Variants in COLGALT1 observed in about 807,000 individuals in gnomAD.
COLGALT1 encodes the protein procollagen galactosyltransferase 1.
COLGALT1 carries 43 observed loss-of-function variants against 60.8 expected under a neutral mutation model. The observed-to-expected ratio is 0.71, with a 90% CI of 0.55 to 0.91. The LOEUF is 0.91. Among genes scored for constraint, COLGALT1 ranks in the 40% least tolerant of loss-of-function variants. COLGALT1 has a pLI of 0.00. For missense variants in COLGALT1, 845 were observed against 880.0 expected, an observed-to-expected ratio of 0.96 and a Z score of 0.50; for synonymous variants, 369 against 374.2, an observed-to-expected ratio of 0.99 and a Z score of 0.16.
intron 10 of COLGALT1, chr19:17,579,983 C>T (rs2076369326): frequency 9.0e-6 from 2 of 223,222 alleles, no homozygotes; most frequent in African/African-American, 4.4e-5. Context: ...GGAAGGATCA[C>T]CCAGAACTCA....
rs759748599 is a variant in COLGALT1, at chr19:17,580,896, A to G, written c.1592A>G (p.Lys531Arg). Reference sequence around the variant, plus strand: ...GAGTTCCTGCCCGTCATGTTCGACAAACACCCAGTGTGAGAGGGGCAGGCG... The same window carrying G: ...GAGTTCCTGCCCGTCATGTTCGACAGACACCCAGTGTGAGAGGGGCAGGCG... ...VDEFLPVMFD[K>R]HPVSEYKAHF... Residue 531 changes from lysine to arginine, a missense_variant, in exon 11 of 12, where the codon AAA (lysine) becomes AGA (arginine). Transcript: ENST00000252599. 10 of 1,613,356 alleles carry G rather than the reference A, an allele frequency of 6.2e-6. No homozygotes were observed. In the Admixed American group the frequency reaches 1.2e-4, roughly 19 times the overall value.
chr19:17,555,781 T>TGGCGCCACTGCCGCC lies in COLGALT1; in HGVS notation c.71_85dup (p.Ala24_Pro28dup). 1 of 1,241,226 alleles carries TGGCGCCACTGCCGCC rather than the reference T, an allele frequency of 8.1e-7. No individual in the cohort carries two copies. Among genetic ancestry groups the TGGCGCCACTGCCGCC allele is most frequent in the Non-Finnish European group, 1.0e-6 (1 of 992,900 alleles). 76.9% of individuals were successfully genotyped at this position (1,241,226 alleles called of 1,614,324 possible). On this transcript the variant is annotated inframe_insertion, in exon 1 of 12. Coordinates refer to ENST00000252599, the MANE Select transcript of COLGALT1 (RefSeq NM_024656.4). The stretch of plus-strand genomic sequence containing the variant: ...CTCCTGGCGCTGCTGCTTCTGCTGC[T>TGGCGCCACTGCCGCC]GGCGCCACTGCCGCCGGGGGCCCCG...
At chr19:17,565,608 T>C (rs2076275756) in intron 3 of COLGALT1, among the ~76,000 whole-genome samples, 1 of 151,276 alleles carries the variant, frequency 6.6e-6, no homozygotes. Flanking sequence ...AGGTGGAGGT[T>C]GCAGTGAGCC....
In COLGALT1 at chr19:17,579,536, G is replaced by A; in HGVS notation, c.1321G>A (p.Glu441Lys). ...SLVFEDDLRF[E>K]IFFKRRLMNL... ...TGTGTTTGAGGATGACCTGCGTTTT[G>A]AGATCTTCTTCAAGAGACGTCTGAT... The change falls in exon 10 of 12, where the codon GAG becomes AAG. Residue 441 changes from glutamate (E) to lysine (K), a missense_variant. Transcript: ENST00000252599. 1.2e-6 allele frequency: 2 copies of A among 1,614,120 alleles called. No homozygotes were observed. The highest frequency in any genetic ancestry group is 1.1e-5 in the South Asian group (1 of 91,080).
intron 2 of COLGALT1, 98 bp downstream of exon 2, chr19:17,559,519 A>G (rs2076236097): frequency 1.1e-6 from 1 of 917,096 alleles, no homozygotes; most frequent in Non-Finnish European, 1.7e-6. Context: ...ACAGGCCCTC[A>G]GTCCCTGCCT....
chr19:17,578,249 A>G (rs1412504627), intron 9 of COLGALT1, among the ~76,000 whole-genome samples, 160 bp downstream of exon 9: 1 of 152,130 alleles, frequency 6.6e-6, no homozygotes. Context: ...GCGCCACACC[A>G]GCTGTATCAC....
chr19:17,566,637 A>G (rs900595440), intron 3 of COLGALT1, among the ~76,000 whole-genome samples: 1 of 152,072 alleles, frequency 6.6e-6, no homozygotes, highest in Non-Finnish European at 1.5e-5. Flanking sequence ...AAAAATAAAA[A>G]TGAAAACATT....
chr19:17,578,321 G>A (rs2076357706), intron 9 of COLGALT1, among the ~76,000 whole-genome samples: 1 of 152,164 alleles, frequency 6.6e-6, no homozygotes, highest in African/African-American at 2.4e-5. Flanking sequence ...GGGGGTAGGG[G>A]TGAGCCCTTT....
chr19:17,568,781 G>C, intron 5 of COLGALT1, 68 bp downstream of exon 5: 2 of 1,509,944 alleles, frequency 1.3e-6, no homozygotes, highest in South Asian at 2.3e-5. Context: ...CACTAAGCCA[G>C]TTCAGAACAC....
intron 1 of COLGALT1, chr19:17,556,699 T>G (rs1450163231): frequency 2.1e-5 from 4 of 189,604 alleles, no homozygotes; most frequent in Admixed American, 6.5e-5. Flanking sequence ...TCACTTGAGC[T>G]CAGGAGTTCG....
At position 17,555,986 on chromosome 19, in the gene COLGALT1, C is replaced by A; in HGVS notation, c.260+13C>A. ...GCACGGCGCTATGGTGAGTCGAGCCCGCTGTCCCCATCAGGCGGGTCACGC... is the reference window on the plus strand; with the variant it reads ...GCACGGCGCTATGGTGAGTCGAGCCAGCTGTCCCCATCAGGCGGGTCACGC... On this transcript the variant is annotated intron_variant, in intron 1 of 11. Coordinates refer to ENST00000252599, the MANE Select transcript of COLGALT1 (RefSeq NM_024656.4). 7.6e-7 allele frequency: 1 copy of A among 1,316,912 alleles called. No homozygotes were observed. The highest frequency in any genetic ancestry group is 9.7e-7 in the Non-Finnish European group (1 of 1,030,138). The allele number at this position is 1,316,912 out of a possible 1,614,324, so 81.6% of individuals were successfully genotyped here.
rs1438663983 is a variant in COLGALT1 at position 17,582,971 on chromosome 19, G to C, written c.*1527G>C. 2.0e-5 allele frequency: 3 copies of C among 152,458 alleles called. No individual in the cohort carries two copies. The highest frequency in any genetic ancestry group is 6.5e-5 in the Admixed American group (1 of 15,290). The allele number at this position is 152,458 out of a possible 1,614,324, so 9.4% of individuals were successfully genotyped here. ...AAGCCTTTGGTGGGATCATGTGTTT[G>C]GGGGCTTTTAGGGGACCCAGCTGCA... On this transcript the variant is annotated 3_prime_UTR_variant, in exon 12 of 12. Transcript: ENST00000252599.
chr19:17,565,443 A>G (rs1352792155), intron 3 of COLGALT1, among the ~76,000 whole-genome samples: 1 of 152,164 alleles, frequency 6.6e-6, no homozygotes, highest in East Asian at 1.9e-4. Context: ...CTAGGATTAC[A>G]GGTGTGAGCC....
intron 3 of COLGALT1, among the ~76,000 whole-genome samples, chr19:17,563,661 T>A (rs111389846): frequency 0.013 from 1,942 of 152,182 alleles, 36 homozygotes; most frequent in African/African-American, 0.045. Flanking sequence ...ACTAATTTTT[T>A]TTGTATTTTT....
At position 17,581,423 on chromosome 19, in the gene COLGALT1, T is replaced by C; in HGVS notation, c.1848T>C (p.Ser616=). Residue 616 remains serine, a synonymous_variant, in exon 12 of 12, where the codon AGT becomes AGC. Coordinates refer to ENST00000252599, the MANE Select transcript of COLGALT1 (RefSeq NM_024656.4). ...NSDVLQSPLD[S]AARDEL is the part of the protein sequence containing the mutation. ...ACGTGCTCCAGTCCCCACTGGACAGTGCTGCCCGGGATGAACTCTGAGGGG... is the reference window on the plus strand; with the variant it reads ...ACGTGCTCCAGTCCCCACTGGACAGCGCTGCCCGGGATGAACTCTGAGGGG... The C allele has an allele frequency of 6.2e-7, 1 of 1,609,834 alleles. No homozygotes were observed. Among genetic ancestry groups the C allele is most frequent in the East Asian group, 2.2e-5 (1 of 44,882 alleles).
At chr19:17,556,277 TCTGCCTG>T (rs2076210776) in intron 1 of COLGALT1, among the ~76,000 whole-genome samples, 1 of 152,234 alleles carries the variant, frequency 6.6e-6, no homozygotes, top group South Asian at 2.1e-4. Flanking sequence ...GGGCACCGCT[TCTGCCTG>T]CTGGACCCTA....
intron 2 of COLGALT1, 35 bp from the exon 3 acceptor site, chr19:17,560,313 C>T (rs778205101): frequency 1.3e-6 from 2 of 1,563,802 alleles, no homozygotes; most frequent in African/African-American, 2.7e-5. Context: ...TTGATAGTGC[C>T]TTGTGATGTC....
chr19:17,565,665 G>A (rs2144824824), intron 3 of COLGALT1, among the ~76,000 whole-genome samples: 1 of 152,152 alleles, frequency 6.6e-6, no homozygotes, highest in East Asian at 1.9e-4. Context: ...GCAAGACTCT[G>A]TCTCAAAAAC....
intron 3 of COLGALT1, 106 bp from the exon 4 acceptor site, chr19:17,567,300 C>T: frequency 2.0e-6 from 3 of 1,483,386 alleles, no homozygotes; most frequent in Non-Finnish European, 2.8e-6. Flanking sequence ...GGGGGTGCTT[C>T]CAGAGGTCTT....
Sources: gnomAD v4.1 joint callset for allele counts (sites outside exome capture counted in the v4.1 genomes callset) on GRCh38, gnomAD v4.1.1 for gene constraint, MANE v1.5 for transcripts, NCBI Gene and HGNC (gene_info 2026-07-23, HGNC 2026-07-21) for gene names.